PTPRQ: variants seen among roughly 807,000 people sequenced by gnomAD.
PTPRQ encodes the protein protein tyrosine phosphatase receptor type Q.
In PTPRQ, 199 loss-of-function variants were observed where a neutral mutation model predicts 246.0. The ratio of observed to expected loss-of-function variants is 0.81; its 90% confidence interval spans 0.72 to 0.91. The LOEUF is 0.91. Ranked by LOEUF, PTPRQ falls within the 40% of genes least tolerant of loss-of-function variation. PTPRQ has a pLI of 0.00. For synonymous variants in PTPRQ, 869 were observed against 853.2 expected, an observed-to-expected ratio of 1.02 and a Z score of -0.32; for missense variants, 2,624 against 2,528.4, an observed-to-expected ratio of 1.04 and a Z score of -0.81.
In PTPRQ at chr12:80,496,231, T is replaced by C. The variant is rs1162452074; in HGVS notation, c.1991-19T>C. The C allele has an allele frequency of 1.3e-6, 2 of 1,547,562 alleles. No individual in the cohort carries two copies. Among genetic ancestry groups the C allele is most frequent in the African/African-American group, 1.4e-5 (1 of 72,568 alleles). On this transcript the variant is annotated intron_variant, in intron 13 of 44. Coordinates refer to ENST00000644991, the MANE Select transcript of PTPRQ (RefSeq NM_001145026.2). ...TCAATAAAAATATAGGTACTACAAATGTTCTTTTCTTCCCCTAGAACCGGA... is the reference window on the plus strand; with the variant it reads ...TCAATAAAAATATAGGTACTACAAACGTTCTTTTCTTCCCCTAGAACCGGA...
chr12:80,530,907 C>G (rs1895825282), intron 17 of PTPRQ, among the ~76,000 whole-genome samples: 1 of 151,990 alleles, frequency 6.6e-6, no homozygotes, highest in African/African-American at 2.4e-5. Context: ...CAATTTGTAT[C>G]CTGGTGTAGG....
chr12:80,521,743 C>T (rs1215566709), intron 17 of PTPRQ, among the ~76,000 whole-genome samples: 1 of 152,086 alleles, frequency 6.6e-6, no homozygotes, highest in Non-Finnish European at 1.5e-5. Context: ...GGTACCAGTA[C>T]CATGCTGTTT....
intron 25 of PTPRQ, among the ~76,000 whole-genome samples, chr12:80,571,062 T>C (rs573070400): frequency 6.6e-6 from 1 of 152,366 alleles, no homozygotes; most frequent in African/African-American, 2.4e-5. Context: ...GTCTTTGCTA[T>C]GTGCTCTTTT....
chr12:80,448,106 C>G (rs1278255558), intron 3 of PTPRQ, among the ~76,000 whole-genome samples: 1 of 151,988 alleles, frequency 6.6e-6, no homozygotes, highest in African/African-American at 2.4e-5. Flanking sequence ...ATTTTCACCT[C>G]CTTTGTAAAA....
chr12:80,536,328 A>G (rs189171372), intron 19 of PTPRQ, among the ~76,000 whole-genome samples: 1 of 152,320 alleles, frequency 6.6e-6, no homozygotes, highest in East Asian at 1.9e-4. Context: ...AGCTCTACTG[A>G]GTAACAGCCT....
At chr12:80,476,815 T>G (rs2120565447) in intron 8 of PTPRQ, among the ~76,000 whole-genome samples, 1 of 152,294 alleles carries the variant, frequency 6.6e-6, no homozygotes, top group South Asian at 2.1e-4. Context: ...GGATCATAAT[T>G]TTATGCCATT....
chr12:80,481,648 C>A (rs1894062671), intron 8 of PTPRQ, among the ~76,000 whole-genome samples: 1 of 152,202 alleles, frequency 6.6e-6, no homozygotes, highest in South Asian at 2.1e-4. Flanking sequence ...CCCAAAATCT[C>A]CTTAATCTGA....
chr12:80,528,541 C>G (rs1381242017), intron 17 of PTPRQ, among the ~76,000 whole-genome samples: 1 of 152,048 alleles, frequency 6.6e-6, no homozygotes, highest in Admixed American at 6.6e-5. Context: ...TGTTTTTGAT[C>G]AGTTTCCTCT....
At position 80,541,830 on chromosome 12, in the gene PTPRQ, A is replaced by G. The variant is rs749784490; in HGVS notation, c.3430A>G (p.Lys1144Glu). ...TACCTATACTGCCCAGCTATACATC[A>G]AGACTGAAGAAGATGGTAGGCTAGA... ...SDTYTAQLYI[K>E]TEEDVPETSP... Residue 1144 changes from lysine to glutamate, a missense_variant, in exon 21 of 45, where the codon AAG (lysine) becomes GAG (glutamate). By Grantham distance (56) the Lys-to-Glu change is moderately conservative. Transcript: ENST00000644991. 2 of 1,542,456 alleles carry G rather than the reference A, an allele frequency of 1.3e-6. No individual in the cohort carries two copies. The highest frequency in any genetic ancestry group is 2.0e-5 in the Admixed American group (1 of 49,398).
chr12:80,505,577 T>A (rs769110707), intron 14 of PTPRQ, among the ~76,000 whole-genome samples: 12 of 151,912 alleles, frequency 7.9e-5, no homozygotes, highest in Non-Finnish European at 1.6e-4. Flanking sequence ...TGCCAGGTCA[T>A]AATATGCAAC....
chr12:80,526,995 A>C (rs968779143), intron 17 of PTPRQ, among the ~76,000 whole-genome samples: 1 of 152,120 alleles, frequency 6.6e-6, no homozygotes, highest in African/African-American at 2.4e-5. Flanking sequence ...GCCTCTACTA[A>C]AAGACATTCC....
intron 33 of PTPRQ, among the ~76,000 whole-genome samples, chr12:80,630,320 G>A (rs1246732108): frequency 5.3e-5 from 8 of 151,918 alleles, no homozygotes; most frequent in Admixed American, 4.6e-4. Flanking sequence ...GGATCTGTCT[G>A]GTGGTTTTCT....
chr12:80,480,743 C>A (rs1454872953), intron 8 of PTPRQ, among the ~76,000 whole-genome samples: 1 of 152,162 alleles, frequency 6.6e-6, no homozygotes, highest in Non-Finnish European at 1.5e-5. Flanking sequence ...ATACTACAAA[C>A]ACCTCTATGC....
chr12:80,627,967 T>C (rs1255640591), intron 33 of PTPRQ, among the ~76,000 whole-genome samples: 1 of 152,102 alleles, frequency 6.6e-6, no homozygotes, highest in East Asian at 1.9e-4. Flanking sequence ...TTTATTAATA[T>C]ATTATATGTC....
At chr12:80,516,978 C>T (rs955986759) in intron 17 of PTPRQ, among the ~76,000 whole-genome samples, 5 of 152,002 alleles carry the variant, frequency 3.3e-5, no homozygotes, top group South Asian at 2.1e-4. Flanking sequence ...ATAGATGGAG[C>T]GGTAGAGCAT....
intron 3 of PTPRQ, among the ~76,000 whole-genome samples, chr12:80,453,350 C>T (rs556755313): frequency 7.2e-5 from 11 of 152,282 alleles, no homozygotes; most frequent in African/African-American, 2.6e-4. Context: ...TCGTCCGAAG[C>T]CTTCTTCTCT....
chr12:80,472,038 A>G (rs2120545641), intron 7 of PTPRQ, 67 bp from the exon 8 acceptor site: 3 of 1,536,088 alleles, frequency 2.0e-6, no homozygotes, highest in South Asian at 1.2e-5. Context: ...TTGGCTCTGT[A>G]CTTAAATGTG....
At chr12:80,658,200 T>C (rs933283373) in intron 39 of PTPRQ, 139 bp downstream of exon 39, 1 of 490,920 alleles carries the variant, frequency 2.0e-6, no homozygotes, top group Non-Finnish European at 3.2e-6. Context: ...AGCCACATTG[T>C]GTACCCTTAT....
At chr12:80,494,836 G>T (rs1894559439) in intron 10 of PTPRQ, 97 bp from the exon 11 acceptor site, 3 of 1,288,406 alleles carry the variant, frequency 2.3e-6, no homozygotes, top group Admixed American at 3.0e-5. Flanking sequence ...TGAATACGGA[G>T]AAATCAGGTT....
Sources: gnomAD v4.1 joint callset for allele counts (sites outside exome capture counted in the v4.1 genomes callset) on GRCh38, gnomAD v4.1.1 for gene constraint, MANE v1.5 for transcripts, NCBI Gene and HGNC (gene_info 2026-07-23, HGNC 2026-07-21) for gene names.